CCDC148: variants seen among roughly 807,000 people sequenced by gnomAD.
CCDC148 encodes coiled-coil domain containing 148.
CCDC148 carries 89 observed loss-of-function variants against 85.7 expected under a neutral mutation model. The observed-to-expected ratio is 1.04, with a 90% confidence interval of 0.87 to 1.24. The LOEUF is 1.24. CCDC148 is among the 50% of genes most tolerant of loss of function. The pLI, the probability that CCDC148 is intolerant of heterozygous loss-of-function variation, is 0.00. For missense variants in CCDC148, 692 were observed against 671.7 expected, an observed-to-expected ratio of 1.03 and a Z score of -0.33; for synonymous variants, 230 against 213.9, an observed-to-expected ratio of 1.08 and a Z score of -0.66.
At chr2:158,252,819 G>A (rs773170747) in intron 9 of CCDC148, among the ~76,000 whole-genome samples, 4 of 151,708 alleles carry the variant, frequency 2.6e-5, no homozygotes, top group Non-Finnish European at 4.4e-5. Context: ...TATACCATCC[G>A]CTCTATCTTT....
chr2:158,421,833 G>C (rs1048700970), intron 1 of CCDC148, among the ~76,000 whole-genome samples: 3 of 152,052 alleles, frequency 2.0e-5, no homozygotes, highest in Non-Finnish European at 2.9e-5. Flanking sequence ...AAAATTGATA[G>C]ACCACTAGCA....
At chr2:158,354,297 T>C (rs1267844261) in intron 2 of CCDC148, among the ~76,000 whole-genome samples, 5 of 152,038 alleles carry the variant, frequency 3.3e-5, no homozygotes, top group Non-Finnish European at 5.9e-5. Flanking sequence ...GAGCTGGTTT[T>C]TTGAAAGGAT....
chr2:158,247,152 GC>G (rs895977635), intron 10 of CCDC148, among the ~76,000 whole-genome samples: 1 of 152,122 alleles, frequency 6.6e-6, no homozygotes, highest in Middle Eastern at 3.4e-3. Context: ...TTTATAAAGA[GC>G]TTTTACATAT....
intron 10 of CCDC148, among the ~76,000 whole-genome samples, chr2:158,244,196 A>G (rs1206355844): frequency 6.6e-6 from 1 of 152,108 alleles, no homozygotes; most frequent in African/African-American, 2.4e-5. Context: ...TTCCAAAGCC[A>G]CTTCTGCATT....
At chr2:158,179,742 C>G (rs907291869) in intron 11 of CCDC148, among the ~76,000 whole-genome samples, 1 of 152,114 alleles carries the variant, frequency 6.6e-6, no homozygotes, top group Non-Finnish European at 1.5e-5. Flanking sequence ...AATTATTTTA[C>G]TTACTAGAAC....
chr2:158,204,238 G>A lies in CCDC148; in HGVS notation c.1370+16357C>T, dbSNP rs74664383. 9.0e-3 allele frequency among the ~76,000 whole-genome samples: 1,372 copies of A among 152,218 alleles called. 32 individuals carry two copies. In the East Asian group the frequency reaches 0.099, roughly 11 times the overall value. ...CAAGTAATTACAATACAAAATGAGC[G>A]TTAAGACTGTACAGGAAAAGGGCAC... On this transcript the variant is annotated intron_variant, in intron 11 of 13. Coordinates refer to ENST00000283233, the MANE Select transcript of CCDC148 (RefSeq NM_138803.4).
chr2:158,231,019 C>T (rs1687830651), intron 10 of CCDC148, among the ~76,000 whole-genome samples: 1 of 152,138 alleles, frequency 6.6e-6, no homozygotes, highest in South Asian at 2.1e-4. Context: ...GTTTTGAACA[C>T]ATAACACTTG....
intron 1 of CCDC148, among the ~76,000 whole-genome samples, chr2:158,456,029 C>T (rs1476908210): frequency 6.6e-6 from 1 of 152,196 alleles, no homozygotes; most frequent in African/African-American, 2.4e-5. Flanking sequence ...TTTCCTCTAT[C>T]TTTAACAAGC....
chr2:158,450,267 T>G (rs903920709), intron 1 of CCDC148, among the ~76,000 whole-genome samples: 25 of 152,236 alleles, frequency 1.6e-4, no homozygotes, highest in African/African-American at 5.3e-4. Flanking sequence ...AGCTCTGAAG[T>G]TCAGGAAATA....
At chr2:158,189,137 G>T (rs1406053150) in intron 11 of CCDC148, among the ~76,000 whole-genome samples, 1 of 151,924 alleles carries the variant, frequency 6.6e-6, no homozygotes, top group African/African-American at 2.4e-5. Flanking sequence ...CTTATACATT[G>T]TTGGTAGGAA....
chr2:158,173,723 T>C (rs1382207905), intron 13 of CCDC148, among the ~76,000 whole-genome samples: 8 of 152,014 alleles, frequency 5.3e-5, no homozygotes, highest in Non-Finnish European at 1.2e-4. Context: ...GCAATAAATA[T>C]GAGCCTAAGA....
chr2:158,305,890 A>C (rs1419914332), intron 9 of CCDC148, among the ~76,000 whole-genome samples: 1 of 152,130 alleles, frequency 6.6e-6, no homozygotes. Context: ...GAATGGAAAA[A>C]CTGTAACGTA....
chr2:158,408,311 G>T (rs537480031), intron 1 of CCDC148, among the ~76,000 whole-genome samples: 1 of 152,018 alleles, frequency 6.6e-6, no homozygotes, highest in Admixed American at 6.5e-5. Flanking sequence ...TAGTCATATT[G>T]CTGTACGTTA....
chr2:158,438,667 C>T (rs1022857767), intron 1 of CCDC148, among the ~76,000 whole-genome samples: 9 of 152,050 alleles, frequency 5.9e-5, no homozygotes, highest in Admixed American at 5.9e-4. Context: ...GCAAAAGAAA[C>T]TACCATCAGA....
intron 1 of CCDC148, among the ~76,000 whole-genome samples, chr2:158,439,712 C>T (rs551738425): frequency 6.6e-6 from 1 of 152,050 alleles, no homozygotes; most frequent in Non-Finnish European, 1.5e-5. Flanking sequence ...AAAGGGTAGA[C>T]TATTTGATCA....
chr2:158,365,661 T>C (rs1183617145), intron 1 of CCDC148, among the ~76,000 whole-genome samples: 1 of 150,176 alleles, frequency 6.7e-6, no homozygotes, highest in Non-Finnish European at 1.5e-5. Context: ...TGTCGGGGGG[T>C]GGAGGGCTAG....
intron 9 of CCDC148, among the ~76,000 whole-genome samples, chr2:158,261,852 A>T (rs1689238178): frequency 6.6e-6 from 1 of 152,116 alleles, no homozygotes; most frequent in Non-Finnish European, 1.5e-5. Context: ...ATTATTAAAA[A>T]GTTGAAAAAT....
intron 1 of CCDC148, among the ~76,000 whole-genome samples, chr2:158,390,861 G>T (rs1159295265): frequency 1.3e-5 from 2 of 152,090 alleles, no homozygotes; most frequent in Non-Finnish European, 2.9e-5. Flanking sequence ...CAGTGTAAAG[G>T]TTTGACAGAA....
chr2:158,316,499 C>T (rs1214899935), intron 7 of CCDC148, among the ~76,000 whole-genome samples: 3 of 152,166 alleles, frequency 2.0e-5, no homozygotes, highest in Admixed American at 2.0e-4. Flanking sequence ...TTAGAAGCCT[C>T]ACATCCCAAC....
Sources: gnomAD v4.1 joint callset for allele counts (sites outside exome capture counted in the v4.1 genomes callset) on GRCh38, gnomAD v4.1.1 for gene constraint, MANE v1.5 for transcripts, NCBI Gene and HGNC (gene_info 2026-07-23, HGNC 2026-07-21) for gene names.